GNB4: variants seen among roughly 807,000 people sequenced by gnomAD.
The protein encoded by GNB4 is G protein subunit beta 4.
Under a neutral mutation model 45.2 loss-of-function variants are expected in GNB4, and 28 were observed. The ratio of observed to expected loss-of-function variants is 0.62; its 90% CI spans 0.46 to 0.85. The LOEUF is 0.85. Among genes scored for constraint, GNB4 ranks in the 40% least tolerant of loss-of-function variants. GNB4 has a pLI of 0.00. For missense variants in GNB4, 321 were observed against 425.4 expected (o/e 0.75, Z 2.16); for synonymous variants, 132 against 143.7 (o/e 0.92, Z 0.58).
At chr3:179,448,883 A>G (rs1715802697) in intron 1 of GNB4, among the ~76,000 whole-genome samples, 2 of 152,248 alleles carry the variant, frequency 1.3e-5, no homozygotes, top group African/African-American at 4.8e-5. Context: ...GTTCAAGACC[A>G]GCCTGGGCAA....
intron 5 of GNB4, 89 bp from the exon 6 acceptor site, chr3:179,415,136 A>C: frequency 2.0e-6 from 2 of 976,502 alleles, no homozygotes. Context: ...TATTATTAAA[A>C]ATTAAACACA....
chr3:179,472,106 G>A, the GNB4 span, among the ~76,000 whole-genome samples: 2 of 151,762 alleles, frequency 1.3e-5, no homozygotes, highest in African/African-American at 2.4e-5. Context: ...AAACGTAAAG[G>A]TAAACTCACA....
the GNB4 span, among the ~76,000 whole-genome samples, chr3:179,520,302 T>A: frequency 6.6e-6 from 1 of 151,942 alleles, no homozygotes; most frequent in African/African-American, 2.4e-5. Context: ...ATAATTCTCA[T>A]AAAAACACAC....
the GNB4 span, among the ~76,000 whole-genome samples, chr3:179,483,754 C>T: frequency 6.6e-6 from 1 of 152,098 alleles, no homozygotes; most frequent in Non-Finnish European, 1.5e-5. Context: ...GTTTTACTCT[C>T]TGTAGATTAT....
Position 179,400,955 on chromosome 3 carries a change from A to G in GNB4, c.*258T>C. The G allele has an allele frequency of 2.8e-6, 1 of 354,882 alleles. No homozygotes were observed. The highest frequency in any genetic ancestry group is 5.1e-6 in the Non-Finnish European group (1 of 195,576). The allele number at this position is 354,882 out of a possible 1,614,324, so 22.0% of individuals were successfully genotyped here. A position where few individuals can be genotyped will look rare whatever the true frequency, so the allele number is the denominator to read the frequency against. On this transcript the variant is annotated 3_prime_UTR_variant, in exon 10 of 10. Transcript: ENST00000232564. ...TACACAAAGAAAATACACTCTGAGT[A>G]CACACAACAATTCACCAAGGTTAAA...
At chr3:179,496,382 A>G in the GNB4 span, among the ~76,000 whole-genome samples, 1 of 152,152 alleles carries the variant, frequency 6.6e-6, no homozygotes, top group African/African-American at 2.4e-5. Context: ...AAACAAGCCA[A>G]AAAAACAACC....
At chr3:179,522,520 G>A in the GNB4 span, among the ~76,000 whole-genome samples, 16 of 152,154 alleles carry the variant, frequency 1.1e-4, no homozygotes, top group South Asian at 1.0e-3. Context: ...ATATTGACAC[G>A]TACTCCTTTT....
the GNB4 span, among the ~76,000 whole-genome samples, chr3:179,497,091 T>C: frequency 6.6e-6 from 1 of 152,214 alleles, no homozygotes; most frequent in East Asian, 1.9e-4. Context: ...TTATTTTAGA[T>C]TGATTTCAAA....
the GNB4 span, among the ~76,000 whole-genome samples, chr3:179,520,403 G>A: frequency 3.3e-5 from 5 of 152,078 alleles, no homozygotes; most frequent in Non-Finnish European, 7.4e-5. Flanking sequence ...GGCATGGTTA[G>A]TGCAGTCAGA....
At chr3:179,478,378 A>C in the GNB4 span, among the ~76,000 whole-genome samples, 127 of 152,188 alleles carry the variant, frequency 8.3e-4, no homozygotes, top group Non-Finnish European at 1.6e-3. Flanking sequence ...TCCTATTACA[A>C]AACATTTCAT....
the GNB4 span, among the ~76,000 whole-genome samples, chr3:179,470,608 G>A: frequency 4.0e-5 from 6 of 151,296 alleles, no homozygotes; most frequent in South Asian, 2.1e-4. Flanking sequence ...GCAATGGCGC[G>A]ATCTCTGCTC....
upstream of GNB4, among the ~76,000 whole-genome samples, chr3:179,453,253 T>G (rs1021927221): frequency 6.6e-6 from 1 of 152,186 alleles, no homozygotes; most frequent in Non-Finnish European, 1.5e-5. Flanking sequence ...CTCCCAAGTC[T>G]GGGATTACAG....
chr3:179,491,985 C>T, the GNB4 span, among the ~76,000 whole-genome samples: 1 of 152,186 alleles, frequency 6.6e-6, no homozygotes, highest in Non-Finnish European at 1.5e-5. Context: ...AACATCTACA[C>T]TCTAATTAAA....
the GNB4 span, chr3:179,465,040 T>C: frequency 6.7e-7 from 1 of 1,499,990 alleles, no homozygotes; most frequent in South Asian, 1.1e-5. Context: ...CAATATCTTA[T>C]CGATATACTT....
Position 179,400,253 on chromosome 3 carries a change from T to A in GNB4, c.*960A>T, listed in dbSNP as rs1409079497. ...AATATGTGCTAGCGATTGGTTAGAT[T>A]TCACACTTCTCTCCAAATGTAACAC... is the stretch of plus-strand genomic sequence containing the variant. On this transcript the variant is annotated 3_prime_UTR_variant, in exon 10 of 10. Transcript: ENST00000232564. The A allele has an allele frequency of 1.3e-5, 2 of 152,224 alleles. No homozygotes were observed. The highest frequency in any genetic ancestry group is 4.8e-5 in the African/African-American group (2 of 41,460). The allele number at this position is 152,224 out of a possible 1,614,324, so 9.4% of individuals were successfully genotyped here.
At chr3:179,472,951 T>C in the GNB4 span, among the ~76,000 whole-genome samples, 45 of 152,100 alleles carry the variant, frequency 3.0e-4, no homozygotes, top group African/African-American at 7.2e-4. Flanking sequence ...ATCACGAGGT[T>C]AGGAGATCGA....
At chr3:179,495,631 C>A in the GNB4 span, among the ~76,000 whole-genome samples, 1 of 139,900 alleles carries the variant, frequency 7.1e-6, no homozygotes, top group African/African-American at 2.7e-5. Context: ...AGAAAGGAGG[C>A]AGGGAGGCAG....
intron 4 of GNB4, among the ~76,000 whole-genome samples, chr3:179,417,037 CAT>C (rs1318971479): frequency 1.3e-5 from 2 of 152,126 alleles, no homozygotes; most frequent in East Asian, 3.9e-4. Flanking sequence ...GACATTTACT[CAT>C]ATTTATATTA....
At chr3:179,467,476 A>T in the GNB4 span, among the ~76,000 whole-genome samples, 1 of 152,198 alleles carries the variant, frequency 6.6e-6, no homozygotes, top group South Asian at 2.1e-4. Context: ...TGGACCAGGC[A>T]CTACACTAGA....
Sources: allele counts gnomAD v4.1 joint callset (sites outside exome capture counted in the v4.1 genomes callset), GRCh38; gene constraint gnomAD v4.1.1; transcripts MANE v1.5; gene names NCBI Gene and HGNC (gene_info 2026-07-23, HGNC 2026-07-21).